Variants in VSTM4 observed in about 807,000 individuals in gnomAD.
The protein encoded by VSTM4 is V-set and transmembrane domain containing 4.
Under a neutral mutation model 36.4 loss-of-function variants are expected in VSTM4, and 20 were observed. The ratio of observed to expected loss-of-function variants is 0.55; its 90% CI spans 0.39 to 0.80. The LOEUF is 0.80. Ranked by LOEUF, VSTM4 falls within the 30% of genes least tolerant of loss-of-function variation. The pLI is 0.00. For missense variants in VSTM4, 392 were observed against 404.5 expected, an observed-to-expected ratio of 0.97 and a Z score of 0.26; for synonymous variants, 182 against 173.9, an observed-to-expected ratio of 1.05 and a Z score of -0.37.
intron 7 of VSTM4, among the ~76,000 whole-genome samples, chr10:49,026,078 T>C (rs1173429959): frequency 6.6e-6 from 1 of 152,104 alleles, no homozygotes; most frequent in Non-Finnish European, 1.5e-5. Flanking sequence ...TCATACTAGG[T>C]CTGCGTGCTC....
At chr10:49,080,216 G>A (rs12098770) in intron 3 of VSTM4, among the ~76,000 whole-genome samples, 7,890 of 152,304 alleles carry the variant, frequency 0.052, 546 homozygotes, top group African/African-American at 0.15. Context: ...CCCTTGTGGC[G>A]TGGAGAAGCA....
At chr10:49,097,127 C>T (rs991090688) in intron 2 of VSTM4, among the ~76,000 whole-genome samples, 5 of 152,322 alleles carry the variant, frequency 3.3e-5, no homozygotes, top group Admixed American at 6.5e-5. Flanking sequence ...TGTCTCAACG[C>T]TTTCCACGGG....
chr10:49,070,968 G>A (rs1455989827), intron 4 of VSTM4, among the ~76,000 whole-genome samples: 1 of 152,256 alleles, frequency 6.6e-6, no homozygotes, highest in Non-Finnish European at 1.5e-5. Context: ...GAGTCTGGCT[G>A]TGGGTGGGAT....
chr10:49,109,334 A>G (rs1303991789), intron 1 of VSTM4, among the ~76,000 whole-genome samples: 2 of 152,202 alleles, frequency 1.3e-5, no homozygotes, highest in African/African-American at 4.8e-5. Context: ...GAGGCTGTGG[A>G]GCAGCAAGCA....
At chr10:49,076,869 C>A (rs1185814409) in intron 4 of VSTM4, among the ~76,000 whole-genome samples, 1 of 152,184 alleles carries the variant, frequency 6.6e-6, no homozygotes, top group Non-Finnish European at 1.5e-5. Flanking sequence ...AATGAGGAAA[C>A]CCATGTTCAG....
At chr10:49,061,162 A>T (rs530129081) in intron 5 of VSTM4, among the ~76,000 whole-genome samples, 160 of 152,288 alleles carry the variant, frequency 1.1e-3, no homozygotes, top group African/African-American at 3.5e-3. Context: ...ACTTTCAACA[A>T]AAAACTGTTT....
chr10:49,040,498 C>G (rs116076535), intron 7 of VSTM4, among the ~76,000 whole-genome samples: 2 of 152,022 alleles, frequency 1.3e-5, no homozygotes, highest in African/African-American at 4.8e-5. Context: ...ATTGGCCGGG[C>G]GAGTCTCAAA....
intron 7 of VSTM4, among the ~76,000 whole-genome samples, chr10:49,042,224 C>T (rs773708573): frequency 3.9e-5 from 6 of 152,156 alleles, no homozygotes; most frequent in Non-Finnish European, 8.8e-5. Context: ...TCCACAGTTT[C>T]CAAAAGCCCA....
intron 5 of VSTM4, 58 bp from the exon 6 acceptor site, chr10:49,048,642 G>GAAAA: frequency 8.6e-7 from 1 of 1,162,676 alleles, no homozygotes; most frequent in African/African-American, 1.6e-5. Flanking sequence ...AAAGAGAAAG[G>GAAAA]AAAAAAAAAA....
chr10:49,023,413 T>G (rs1843211061), intron 7 of VSTM4, among the ~76,000 whole-genome samples: 1 of 152,242 alleles, frequency 6.6e-6, no homozygotes. Flanking sequence ...CTACGTTTCT[T>G]TGCACTAATG....
At chr10:49,097,195 C>T (rs577038289) in intron 2 of VSTM4, among the ~76,000 whole-genome samples, 29 of 152,302 alleles carry the variant, frequency 1.9e-4, no homozygotes, top group African/African-American at 6.5e-4. Flanking sequence ...CACCAGGAGC[C>T]CCTTGGACAC....
intron 7 of VSTM4, among the ~76,000 whole-genome samples, chr10:49,026,354 A>G (rs992049024): frequency 2.6e-5 from 4 of 152,188 alleles, no homozygotes; most frequent in Non-Finnish European, 4.4e-5. Context: ...TGTTCCCACC[A>G]TGATGGGAAG....
chr10:49,113,897 G>C (rs953258515), intron 1 of VSTM4, among the ~76,000 whole-genome samples: 4 of 152,166 alleles, frequency 2.6e-5, no homozygotes, highest in Non-Finnish European at 5.9e-5. Flanking sequence ...CATGGGCACA[G>C]CCAGGGCAGA....
rs569646657 is a variant in VSTM4 at position 49,050,917 on chromosome 10, C to A, written c.669-2333G>T. Among the ~76,000 whole-genome samples, 4 of 152,284 alleles carry A rather than the reference C, an allele frequency of 2.6e-5. No individual in the cohort carries two copies. In the South Asian group the frequency reaches 8.3e-4, roughly 32 times the overall value. The stretch of plus-strand genomic sequence containing the variant: ...GACTTTATTTTTTAGAGAAGTTTTA[C>A]ATTCACAGAAACATTGAGTGGAAGA... On this transcript the variant is annotated intron_variant, in intron 5 of 7. Transcript: ENST00000332853.
intron 5 of VSTM4, among the ~76,000 whole-genome samples, chr10:49,051,390 C>CTTTTTTTTTTT (rs796786621): frequency 9.9e-5 from 13 of 130,804 alleles, no homozygotes; most frequent in Non-Finnish European, 1.1e-4. Context: ...CAGCTCATTT[C>CTTTTTTTTTTT]TTTTTTTTTT....
chr10:49,045,113 G>A (rs541492823), intron 7 of VSTM4, among the ~76,000 whole-genome samples: 4 of 152,096 alleles, frequency 2.6e-5, no homozygotes, highest in African/African-American at 7.2e-5. Context: ...TGTAGATGTC[G>A]AGAATTGGCA....
At chr10:49,093,748 T>TC (rs1381619939) in intron 2 of VSTM4, among the ~76,000 whole-genome samples, 1 of 144,788 alleles carries the variant, frequency 6.9e-6, no homozygotes, top group Non-Finnish European at 1.5e-5. Context: ...TACTCTTTTT[T>TC]TTTTTTTTTT....
chr10:49,070,259 A>AAAAAG (rs1453692014), intron 4 of VSTM4, among the ~76,000 whole-genome samples: 1 of 60,956 alleles, frequency 1.6e-5, no homozygotes, highest in Admixed American at 1.8e-4. Flanking sequence ...TCTCAAAAAA[A>AAAAAG]AAAAAAAAAA....
intron 6 of VSTM4, among the ~76,000 whole-genome samples, chr10:49,047,585 A>G (rs1843632383): frequency 6.6e-6 from 1 of 152,228 alleles, no homozygotes; most frequent in Admixed American, 6.5e-5. Context: ...AACTTTAGTA[A>G]GGGTGGGTAA....
Sources: gnomAD v4.1 joint callset for allele counts (sites outside exome capture counted in the v4.1 genomes callset) on GRCh38, gnomAD v4.1.1 for gene constraint, MANE v1.5 for transcripts, NCBI Gene and HGNC (gene_info 2026-07-23, HGNC 2026-07-21) for gene names.